The following IL18R1 variants were observed in gnomAD, a reference collection of about 807,000 sequenced individuals.
IL18R1 encodes the protein interleukin-18 receptor 1.
Under a neutral mutation model 48.5 loss-of-function variants are expected in IL18R1, and 40 were observed. The ratio of observed to expected loss-of-function variants is 0.82; its 90% CI spans 0.64 to 1.07. IL18R1 has a LOEUF of 1.07. Among genes scored for constraint, IL18R1 ranks in the 50% least tolerant of loss-of-function variants. IL18R1 has a pLI of 0.00. For synonymous variants in IL18R1, 232 were observed against 225.9 expected (o/e 1.03, Z -0.24); for missense variants, 596 against 633.7 (o/e 0.94, Z 0.64).
At chr2:102,393,708 T>A (rs186401726) in intron 9 of IL18R1, among the ~76,000 whole-genome samples, 10 of 152,320 alleles carry the variant, frequency 6.6e-5, no homozygotes, top group Middle Eastern at 3.4e-3. Flanking sequence ...TCAAAACAAT[T>A]GTCATGGGAT....
At chr2:102,386,308 C>A (rs900572600) in intron 7 of IL18R1, among the ~76,000 whole-genome samples, 5 of 152,190 alleles carry the variant, frequency 3.3e-5, no homozygotes, top group Admixed American at 6.5e-5. Flanking sequence ...GAACGTGCTG[C>A]CAGTGGCTTT....
rs1680930817 is a variant in IL18R1, at chr2:102,398,449, A to C, written c.*1563A>C. On this transcript the variant is annotated 3_prime_UTR_variant, in exon 11 of 11. Transcript: ENST00000233957. The stretch of plus-strand genomic sequence containing the variant: ...AAAACCAAAAAAGAGTGAGATTGTC[A>C]GTGTAAGAATGTGATTTAATGTTTG... 1 of 152,404 alleles carries C rather than the reference A, an allele frequency of 6.6e-6. No homozygotes were observed. The highest frequency in any genetic ancestry group is 2.1e-4 in the South Asian group (1 of 4,838). 9.4% of individuals were successfully genotyped at this position (152,404 alleles called of 1,614,324 possible).
rs548988063 is a variant in IL18R1, at chr2:102,356,276, A to T, written c.-153A>T. On this transcript the variant is annotated 5_prime_UTR_variant, in exon 1 of 11. Coordinates refer to ENST00000233957, the MANE Select transcript of IL18R1 (RefSeq NM_003855.5). The stretch of plus-strand genomic sequence containing the variant: ...TAATCACACCTCTCTTTCACTTTCC[A>T]CGGTAGTCAGGAGGCGGAGATCGCT... The T allele has an allele frequency of 1.9e-5, 17 of 887,322 alleles. No homozygotes were observed. In the African/African-American group the frequency reaches 3.3e-4, roughly 17 times the overall value. 55.0% of individuals were successfully genotyped at this position (887,322 alleles called of 1,614,324 possible). A position where few individuals can be genotyped will look rare whatever the true frequency, so the allele number is the denominator to read the frequency against.
chr2:102,373,728 G>A lies in IL18R1; in HGVS notation c.468+1610G>A, dbSNP rs913296485. On this transcript the variant is annotated intron_variant, in intron 4 of 10. Coordinates refer to ENST00000233957, the MANE Select transcript of IL18R1 (RefSeq NM_003855.5). ...TACGCACTCCCATCCACACACATACGCAACACAAATTGTGTAGTTCAGGGG... is the reference window on the plus strand; with the variant it reads ...TACGCACTCCCATCCACACACATACACAACACAAATTGTGTAGTTCAGGGG... 4.6e-5 allele frequency among the ~76,000 whole-genome samples: 7 copies of A among 152,154 alleles called. No homozygotes were observed. The South Asian group carries it at 6.2e-4, about 14-fold the overall frequency.
chr2:102,372,516 T>C (rs890084448), intron 4 of IL18R1, among the ~76,000 whole-genome samples: 6 of 152,224 alleles, frequency 3.9e-5, no homozygotes, highest in African/African-American at 1.4e-4. Context: ...TTTATAAAAT[T>C]GGAAATGGTA....
Position 102,398,049 on chromosome 2 carries a change from T to C in IL18R1, c.*1163T>C, listed in dbSNP as rs1680911415. ...CATTATTAATGATTACTTAGATCAA[T>C]TATTTAGCAGTGGACTAATGGAAGC... On this transcript the variant is annotated 3_prime_UTR_variant, in exon 11 of 11. Coordinates refer to ENST00000233957, the MANE Select transcript of IL18R1 (RefSeq NM_003855.5). 1 of 152,304 alleles carries C rather than the reference T, an allele frequency of 6.6e-6. No homozygotes were observed. The highest frequency in any genetic ancestry group is 1.9e-4 in the East Asian group (1 of 5,294). The allele number at this position is 152,304 out of a possible 1,614,324, so 9.4% of individuals were successfully genotyped here. A position where few individuals can be genotyped will look rare whatever the true frequency, so the allele number is the denominator to read the frequency against.
chr2:102,356,821 T>C (rs1678279061), intron 1 of IL18R1, among the ~76,000 whole-genome samples: 1 of 151,298 alleles, frequency 6.6e-6, no homozygotes, highest in South Asian at 2.1e-4. Flanking sequence ...TACTAAGTAG[T>C]AGATCCCAGA....
intron 2 of IL18R1, among the ~76,000 whole-genome samples, chr2:102,365,118 C>G (rs910526916): frequency 6.6e-6 from 1 of 152,152 alleles, no homozygotes; most frequent in Non-Finnish European, 1.5e-5. Context: ...TAACAGTCCC[C>G]CAAAGTCTTC....
At chr2:102,372,686 A>G (rs532871149) in intron 4 of IL18R1, among the ~76,000 whole-genome samples, 1 of 152,184 alleles carries the variant, frequency 6.6e-6, no homozygotes, top group Non-Finnish European at 1.5e-5. Context: ...CGTTGTGACT[A>G]TCCCTTCACA....
intron 9 of IL18R1, among the ~76,000 whole-genome samples, chr2:102,391,914 T>A (rs2105127097): frequency 6.6e-6 from 1 of 152,172 alleles, no homozygotes; most frequent in African/African-American, 2.4e-5. Flanking sequence ...GGCTTTATTT[T>A]GCGTATTTAT....
intron 9 of IL18R1, among the ~76,000 whole-genome samples, chr2:102,391,028 T>C (rs911156608): frequency 6.6e-5 from 10 of 151,938 alleles, no homozygotes; most frequent in African/African-American, 2.4e-4. Context: ...TTTTATCTGC[T>C]ACTATGTCGA....
chr2:102,367,395 C>G (rs1678967746), intron 2 of IL18R1, among the ~76,000 whole-genome samples: 1 of 152,104 alleles, frequency 6.6e-6, no homozygotes, highest in South Asian at 2.1e-4. Context: ...AGGAAGAACG[C>G]CAAGGTTGCT....
chr2:102,376,400 C>A (rs906562440), intron 5 of IL18R1, among the ~76,000 whole-genome samples: 1 of 152,160 alleles, frequency 6.6e-6, no homozygotes, highest in African/African-American at 2.4e-5. Flanking sequence ...ACTCAATAAA[C>A]TGTACTTAGC....
intron 2 of IL18R1, among the ~76,000 whole-genome samples, chr2:102,365,732 A>G (rs891651425): frequency 6.6e-6 from 1 of 152,194 alleles, no homozygotes; most frequent in Non-Finnish European, 1.5e-5. Flanking sequence ...CAGCATTTCC[A>G]TACATCCTCT....
At chr2:102,387,079 C>T in intron 8 of IL18R1, 79 bp downstream of exon 8, 1 of 1,440,990 alleles carries the variant, frequency 6.9e-7, no homozygotes, top group East Asian at 2.3e-5. Flanking sequence ...GCCACTTTCT[C>T]ATTTTCCACA....
In IL18R1 at chr2:102,398,626, G is replaced by T. The variant is rs1443463323; in HGVS notation, c.*1740G>T. The stretch of plus-strand genomic sequence containing the variant: ...TTGCATAGTCTCTAATACATAGAAT[G>T]ATTTTGCTTTTCTCTTTTATTATAC... On this transcript the variant is annotated 3_prime_UTR_variant, in exon 11 of 11. Coordinates refer to ENST00000233957, the MANE Select transcript of IL18R1 (RefSeq NM_003855.5). 1 of 152,202 alleles carries T rather than the reference G, an allele frequency of 6.6e-6. No individual in the cohort carries two copies. The highest frequency in any genetic ancestry group is 1.9e-4 in the East Asian group (1 of 5,268). 9.4% of individuals were successfully genotyped at this position (152,202 alleles called of 1,614,324 possible). A position where few individuals can be genotyped will look rare whatever the true frequency, so the allele number is the denominator to read the frequency against.
At chr2:102,369,915 G>A (rs1974675) in intron 3 of IL18R1, among the ~76,000 whole-genome samples, 66,784 of 152,108 alleles carry the variant, frequency 0.44, 16,449 homozygotes, top group African/African-American at 0.66. Context: ...AAAAGGGATA[G>A]TTTTCAATGA....
intron 5 of IL18R1, among the ~76,000 whole-genome samples, chr2:102,381,108 A>G (rs1679893505): frequency 6.6e-6 from 1 of 152,224 alleles, no homozygotes. Flanking sequence ...GCATGAACTT[A>G]ACAGCAGGGC....
intron 3 of IL18R1, 105 bp from the exon 4 acceptor site, chr2:102,371,848 T>G: frequency 2.9e-6 from 2 of 678,690 alleles, no homozygotes; most frequent in Non-Finnish European, 4.9e-6. Flanking sequence ...ATCTCTTTAA[T>G]AAAAATAAAG....
Sources: gnomAD v4.1 joint callset for allele counts (sites outside exome capture counted in the v4.1 genomes callset) on GRCh38, gnomAD v4.1.1 for gene constraint, MANE v1.5 for transcripts, NCBI Gene and HGNC (gene_info 2026-07-23, HGNC 2026-07-21) for gene names.